Variants in ADARB1 observed in about 807,000 individuals in gnomAD.
The protein encoded by ADARB1 is adenosine deaminase RNA specific B1, also known as double-stranded RNA-specific editase 1.
Under a neutral mutation model 52.4 loss-of-function variants are expected in ADARB1, and 10 were observed. That is an observed-to-expected ratio of 0.19 (90% CI 0.12 to 0.32). ADARB1 has a LOEUF of 0.32. Among genes scored for constraint, ADARB1 ranks in the 10% least tolerant of loss-of-function variants. The pLI is 1.00. For missense variants in ADARB1, 643 were observed against 922.3 expected (o/e 0.70, Z 3.92); for synonymous variants, 349 against 371.1 (o/e 0.94, Z 0.68).
rs975826533 is a variant in ADARB1, at chr21:45,128,416, G to A, written c.-205G>A. 2.0e-5 allele frequency: 3 copies of A among 152,226 alleles called. No homozygotes were observed. In the South Asian group the frequency reaches 6.2e-4, roughly 32 times the overall value. The allele number at this position is 152,226 out of a possible 1,614,324, so 9.4% of individuals were successfully genotyped here. A position where few individuals can be genotyped will look rare whatever the true frequency, so the allele number is the denominator to read the frequency against. ...CTGTTACACAGAGTGGAGCCTTTCAGGCTGGCATGGAGAGCTTAAGGGGCA... is the reference window on the plus strand; with the variant it reads ...CTGTTACACAGAGTGGAGCCTTTCAAGCTGGCATGGAGAGCTTAAGGGGCA... On this transcript the variant is annotated 5_prime_UTR_variant, in exon 2 of 11. Coordinates refer to ENST00000348831, the MANE Select transcript of ADARB1 (RefSeq NM_001112.4). The surrounding 1 kb of genome is among the most constrained non-coding windows in gnomAD (Gnocchi z 4.6).
At chr21:45,078,704 T>A (rs1430531642) in intron 1 of ADARB1, among the ~76,000 whole-genome samples, 2 of 152,170 alleles carry the variant, frequency 1.3e-5, no homozygotes, top group Non-Finnish European at 2.9e-5. Context: ...GCACACAGGC[T>A]GTGGTAAGGA....
chr21:45,131,204 C>T (rs2088910536), intron 2 of ADARB1, among the ~76,000 whole-genome samples: 1 of 152,204 alleles, frequency 6.6e-6, no homozygotes, highest in Non-Finnish European at 1.5e-5. Flanking sequence ...GCTGCTTTCA[C>T]TCGGATCACT....
rs1035700938 is a variant in ADARB1, at chr21:45,222,862, C to T, written c.*665C>T. 1.2e-5 allele frequency: 12 copies of T among 985,488 alleles called. No homozygotes were observed. Among genetic ancestry groups the T allele is most frequent in the Non-Finnish European group, 1.4e-5 (12 of 829,972 alleles). The allele number at this position is 985,488 out of a possible 1,614,324, so 61.0% of individuals were successfully genotyped here. A position where few individuals can be genotyped will look rare whatever the true frequency, so the allele number is the denominator to read the frequency against. ...GTGGCCCTGTCATGCACATGGGGTC[C>T]CGCAGCAGTGACTGTGTGTCCTGCA... On this transcript the variant is annotated 3_prime_UTR_variant, in exon 11 of 11. Coordinates refer to ENST00000348831, the MANE Select transcript of ADARB1 (RefSeq NM_001112.4).
intron 2 of ADARB1, among the ~76,000 whole-genome samples, chr21:45,150,317 A>G (rs991967693): frequency 1.3e-5 from 2 of 152,220 alleles, no homozygotes; most frequent in African/African-American, 4.8e-5. Context: ...TGAAGTATAC[A>G]AAATTTGAAT....
intron 1 of ADARB1, among the ~76,000 whole-genome samples, chr21:45,119,813 G>T (rs1450017622): frequency 2.0e-5 from 3 of 152,192 alleles, no homozygotes; most frequent in Non-Finnish European, 4.4e-5. Context: ...TGTCATCGTG[G>T]TATATACCCA....
chr21:45,082,634 G>A (rs2086197185), intron 1 of ADARB1, among the ~76,000 whole-genome samples: 1 of 152,170 alleles, frequency 6.6e-6, no homozygotes, highest in African/African-American at 2.4e-5. Context: ...GACTTCCTAG[G>A]AAAGCTGGAT....
intron 2 of ADARB1, among the ~76,000 whole-genome samples, chr21:45,154,527 A>G (rs1348428954): frequency 6.6e-6 from 1 of 152,198 alleles, no homozygotes. Context: ...GACTGATACA[A>G]TGTACGCCTT....
chr21:45,076,909 C>T lies in ADARB1; in HGVS notation c.-220+2116C>T, dbSNP rs116952715. On this transcript the variant is annotated intron_variant, in intron 1 of 10. Transcript: ENST00000348831. The stretch of plus-strand genomic sequence containing the variant: ...AGATAGGTAGAGATCAAAAATGCTT[C>T]TGGCATAAAGCAGTACATTTGTATT... Among the ~76,000 whole-genome samples the T allele has an allele frequency of 1.1e-4, 17 of 152,320 alleles. No homozygotes were observed. In the East Asian group the frequency reaches 3.3e-3, roughly 29 times the overall value.
intron 1 of ADARB1, among the ~76,000 whole-genome samples, chr21:45,084,288 T>C (rs2086257631): frequency 6.6e-6 from 1 of 152,222 alleles, no homozygotes; most frequent in Non-Finnish European, 1.5e-5. Flanking sequence ...TGTCTAATGG[T>C]AGGTGGTGCT....
intron 8 of ADARB1, among the ~76,000 whole-genome samples, chr21:45,190,635 C>T (rs1038055249): frequency 6.6e-6 from 1 of 152,080 alleles, no homozygotes; most frequent in Non-Finnish European, 1.5e-5. Context: ...GCTAAAAAAT[C>T]TAGGACCTCT....
chr21:45,221,078 A>G lies in ADARB1; in HGVS notation c.1926+64A>G. ...TCCCCAATAGCTTGTCTGTCCTCAC[A>G]CCTACTGTTCCTTAAGTTGTTTCAT... On this transcript the variant is annotated intron_variant, in intron 10 of 10. Coordinates refer to ENST00000348831, the MANE Select transcript of ADARB1 (RefSeq NM_001112.4). The surrounding 1 kb of genome is among the most constrained non-coding windows in gnomAD (Gnocchi z 4.9). 2.0e-6 allele frequency: 3 copies of G among 1,506,856 alleles called. No homozygotes were observed. The highest frequency in any genetic ancestry group is 2.7e-6 in the Non-Finnish European group (3 of 1,118,944). The allele number at this position is 1,506,856 out of a possible 1,614,324, so 93.3% of individuals were successfully genotyped here. A position where few individuals can be genotyped will look rare whatever the true frequency, so the allele number is the denominator to read the frequency against.
intron 1 of ADARB1, among the ~76,000 whole-genome samples, chr21:45,076,454 A>C (rs763198071): frequency 6.6e-6 from 1 of 152,164 alleles, no homozygotes; most frequent in Non-Finnish European, 1.5e-5. Flanking sequence ...GGTTCCTAAG[A>C]CTGGGTATAT....
At chr21:45,129,777 C>A (rs1336556400) in intron 2 of ADARB1, among the ~76,000 whole-genome samples, 1 of 152,010 alleles carries the variant, frequency 6.6e-6, no homozygotes, top group Non-Finnish European at 1.5e-5. Context: ...TGGCTGGGAG[C>A]CTAGGGGGGA....
At chr21:45,126,781 T>G (rs2088611863) in intron 1 of ADARB1, among the ~76,000 whole-genome samples, 1 of 152,142 alleles carries the variant, frequency 6.6e-6, no homozygotes, top group South Asian at 2.1e-4. Context: ...ACACTTGATG[T>G]TTAGACTTTG....
At chr21:45,165,823 T>C (rs2146076798) in intron 2 of ADARB1, among the ~76,000 whole-genome samples, 1 of 152,182 alleles carries the variant, frequency 6.6e-6, no homozygotes, top group Admixed American at 6.5e-5. Flanking sequence ...TTTAATACCG[T>C]TTCTTTTTTT....
intron 1 of ADARB1, among the ~76,000 whole-genome samples, chr21:45,094,161 C>A (rs2086665157): frequency 6.6e-6 from 1 of 152,112 alleles, no homozygotes. Context: ...TAGAATATAT[C>A]AAATTATTTG....
rs969003144 is a variant in ADARB1, at chr21:45,109,435, T to C, written c.-219-18967T>C. 2.0e-4 allele frequency among the ~76,000 whole-genome samples: 30 copies of C among 152,312 alleles called. 1 individual carries two copies. The highest frequency in any genetic ancestry group is 1.3e-3 in the Admixed American group (20 of 15,304). On this transcript the variant is annotated intron_variant, in intron 1 of 10. Coordinates refer to ENST00000348831, the MANE Select transcript of ADARB1 (RefSeq NM_001112.4). ...GCAGTTTCCCATTTTGTAGGCTGTT[T>C]TTCTGTGACCTGGATTTTAATGGCT... is the stretch of plus-strand genomic sequence containing the variant.
intron 8 of ADARB1, among the ~76,000 whole-genome samples, chr21:45,197,131 T>G (rs932746585): frequency 2.0e-5 from 3 of 152,148 alleles, no homozygotes; most frequent in African/African-American, 7.2e-5. Flanking sequence ...TGAGCTGAGA[T>G]TGCGCCACTG....
chr21:45,080,744 G>A (rs1241242803), intron 1 of ADARB1, among the ~76,000 whole-genome samples: 1 of 152,186 alleles, frequency 6.6e-6, no homozygotes, highest in Non-Finnish European at 1.5e-5. Context: ...AGTACTCAGA[G>A]GACTAGAAGA....
Sources: allele counts gnomAD v4.1 joint callset (sites outside exome capture counted in the v4.1 genomes callset), GRCh38; gene constraint gnomAD v4.1.1; non-coding constraint Gnocchi (gnomAD v3.1); transcripts MANE v1.5; gene names NCBI Gene and HGNC (gene_info 2026-07-23, HGNC 2026-07-21).